ADGRV1: variants seen among roughly 807,000 people sequenced by gnomAD.
ADGRV1 encodes the protein adhesion G protein-coupled receptor V1.
A neutral mutation model predicts 596.2 loss-of-function variants in ADGRV1; 359 were observed. The ratio of observed to expected loss-of-function variants is 0.60; its 90% CI spans 0.55 to 0.66. The LOEUF is 0.66. ADGRV1 is among the 30% of genes least tolerant of loss of function. ADGRV1 has a pLI of 0.00. For synonymous variants in ADGRV1, 2,681 were observed against 2,679.2 expected (o/e 1.00, Z -0.02); for missense variants, 7,274 against 7,575.6 (o/e 0.96, Z 1.48).
intron 28 of ADGRV1, among the ~76,000 whole-genome samples, chr5:90,685,206 C>G (rs1294767252): frequency 1.4e-5 from 2 of 143,380 alleles, no homozygotes; most frequent in African/African-American, 5.5e-5. Context: ...CAGGGACATT[C>G]TGTTTAGTTT....
intron 57 of ADGRV1, among the ~76,000 whole-genome samples, chr5:90,758,062 A>G (rs113982242): frequency 1.2e-3 from 176 of 152,264 alleles, no homozygotes; most frequent in African/African-American, 4.1e-3. Flanking sequence ...TTCCTAAGTA[A>G]AAAGAGTGGA....
chr5:91,063,473 A>T (rs1315786183), intron 85 of ADGRV1, among the ~76,000 whole-genome samples: 1 of 152,190 alleles, frequency 6.6e-6, no homozygotes, highest in Non-Finnish European at 1.5e-5. Flanking sequence ...TACAATATAT[A>T]GTAATTCCCT....
chr5:90,985,343 G>C lies in ADGRV1; in HGVS notation c.17974-1G>C, dbSNP rs1581711527. ...TCATTTTATGTTGTTTTCTTCCTTA[G>C]TCTGTGAATTTCTGGTACGTGCTGG... On this transcript the variant is annotated splice_acceptor_variant, in intron 84 of 89. Coordinates refer to ENST00000405460, the MANE Select transcript of ADGRV1 (RefSeq NM_032119.4). LOFTEE classifies it high-confidence loss of function. The C allele has an allele frequency of 1.2e-6, 2 of 1,602,094 alleles. No homozygotes were observed. The highest frequency in any genetic ancestry group is 1.7e-6 in the Non-Finnish European group (2 of 1,173,206).
intron 85 of ADGRV1, among the ~76,000 whole-genome samples, chr5:91,041,737 G>A (rs1184073037): frequency 2.6e-5 from 4 of 151,834 alleles, no homozygotes; most frequent in Admixed American, 1.3e-4. Flanking sequence ...TCAATTTCCT[G>A]AAGCTAGATG....
intron 83 of ADGRV1, among the ~76,000 whole-genome samples, chr5:90,871,284 T>C (rs1201548780): frequency 6.6e-6 from 1 of 152,106 alleles, no homozygotes; most frequent in East Asian, 1.9e-4. Flanking sequence ...TATTATTTTA[T>C]TTTTGCTTTC....
At chr5:90,947,519 AT>A (rs1393256537) in intron 83 of ADGRV1, among the ~76,000 whole-genome samples, 1 of 152,124 alleles carries the variant, frequency 6.6e-6, no homozygotes, top group Admixed American at 6.6e-5. Context: ...TGAGTGGATT[AT>A]TTTAAATGTT....
rs373929952 is a variant in ADGRV1 at position 90,617,958 on chromosome 5, G to A, written c.357+5G>A. 3.2e-5 allele frequency: 50 copies of A among 1,547,304 alleles called. No individual in the cohort carries two copies. The African/African-American group carries it at 5.5e-4, about 17-fold the overall frequency. On this transcript the variant is annotated splice_donor_5th_base_variant and intron_variant, in intron 3 of 89. Coordinates refer to ENST00000405460, the MANE Select transcript of ADGRV1 (RefSeq NM_032119.4). Reference sequence around the variant, plus strand: ...ATTTTTCACTTAACATTACAGGTAAGTCCGTGTTTCCTCCTTATAAAAATT... The same window carrying A: ...ATTTTTCACTTAACATTACAGGTAAATCCGTGTTTCCTCCTTATAAAAATT...
In ADGRV1 at chr5:90,657,932, G is replaced by T. The variant is rs538939192; in HGVS notation, c.4406G>T (p.Gly1469Val). ...CCTGGGATACTGAGAATTGGAGCAG[G>T]GATAAATGGCAATGACAGATTTACA... Reference protein sequence around the residue: ...DGPGILRIGAGINGNDRFTGL... With the variant: ...DGPGILRIGAVINGNDRFTGL... Residue 1469 changes from glycine (G) to valine (V), a missense_variant, in exon 21 of 90, where the codon GGG (glycine) becomes GTG (valine). Gly to Val is a moderately radical substitution (Grantham distance 109, BLOSUM62 -3). This residue lies in a region of ADGRV1 where 38 missense variants were observed against 66.7 expected (regional missense o/e 0.57). Coordinates refer to ENST00000405460, the MANE Select transcript of ADGRV1 (RefSeq NM_032119.4). The T allele has an allele frequency of 6.2e-7, 1 of 1,612,080 alleles. No homozygotes were observed. The highest frequency in any genetic ancestry group is 1.1e-5 in the South Asian group (1 of 90,846).
chr5:91,126,024 C>T (rs148435272), intron 87 of ADGRV1, among the ~76,000 whole-genome samples: 1 of 152,302 alleles, frequency 6.6e-6, no homozygotes, highest in East Asian at 1.9e-4. Context: ...ATAGTAACAT[C>T]TTCTGATGCA....
In ADGRV1 at chr5:90,754,995, C is replaced by T. The variant is rs375025827; in HGVS notation, c.11390C>T (p.Thr3797Ile). 4.7e-5 allele frequency: 75 copies of T among 1,611,756 alleles called. No individual in the cohort carries two copies. The highest frequency in any genetic ancestry group is 6.4e-5 in the Non-Finnish European group (75 of 1,178,238). The change falls in exon 55 of 90, where the codon ACT becomes ATT. Residue 3797 changes from threonine to isoleucine, a missense_variant. By Grantham distance (89) the Thr-to-Ile change is moderately conservative. Around this residue, in one of 5 missense-constraint regions of ADGRV1, gnomAD observed 3,643 missense variants for 3,809.2 expected, o/e 0.96. Transcript: ENST00000405460. ...GTTTCTCTCACAGAAAACACCACCA[C>T]TCTTCAGTTACAAATAGCTCGAGAT... ...RVAEPKENTT[T>I]LQLQIARDKG...
intron 26 of ADGRV1, 27 bp from the exon 27 acceptor site, chr5:90,681,288 T>C (rs1385728899): frequency 6.3e-7 from 1 of 1,595,716 alleles, no homozygotes; most frequent in Non-Finnish European, 8.5e-7. Flanking sequence ...ATTTTTTTTT[T>C]CTATTTGTTG....
intron 24 of ADGRV1, 22 bp from the exon 25 acceptor site, chr5:90,676,058 G>A: frequency 6.4e-7 from 1 of 1,568,418 alleles, no homozygotes; most frequent in Non-Finnish European, 8.7e-7. Context: ...GTAATCTAAT[G>A]GATCAGTCTT....
intron 87 of ADGRV1, among the ~76,000 whole-genome samples, chr5:91,121,087 T>C (rs1793277152): frequency 6.6e-6 from 1 of 152,058 alleles, no homozygotes; most frequent in African/African-American, 2.4e-5. Flanking sequence ...GGTAGGAGAA[T>C]CGCTTCAACC....
intron 85 of ADGRV1, among the ~76,000 whole-genome samples, chr5:91,004,757 G>T (rs376496843): frequency 6.6e-6 from 1 of 152,176 alleles, no homozygotes; most frequent in African/African-American, 2.4e-5. Flanking sequence ...TGGGGCTTCA[G>T]GGGGAGAATG....
In ADGRV1 at chr5:91,030,965, G is replaced by T. The variant is rs1056178793; in HGVS notation, c.18153-41482G>T. On this transcript the variant is annotated intron_variant, in intron 85 of 89. Transcript: ENST00000405460. ...AGTACTGGCAGTTTTGTAATCAAAG[G>T]AAAAAACGTCGACTGATTTTATATG... The T allele has an allele frequency of 4.0e-6, 5 of 1,235,864 alleles. No individual in the cohort carries two copies. In the African/African-American group the frequency reaches 7.7e-5, roughly 19 times the overall value. The allele number at this position is 1,235,864 out of a possible 1,614,324, so 76.6% of individuals were successfully genotyped here.
At chr5:90,893,311 A>G (rs4916693) in intron 83 of ADGRV1, among the ~76,000 whole-genome samples, 149,749 of 152,230 alleles carry the variant, frequency 0.98, 73,709 homozygotes, top group East Asian at 1. Flanking sequence ...AATACTATGA[A>G]AGAGAGAATG....
At chr5:91,088,244 C>G (rs559620567) in intron 86 of ADGRV1, among the ~76,000 whole-genome samples, 1 of 152,310 alleles carries the variant, frequency 6.6e-6, no homozygotes, top group Non-Finnish European at 1.5e-5. Context: ...TTCTTATACT[C>G]ATTGAATTAT....
intron 85 of ADGRV1, among the ~76,000 whole-genome samples, chr5:91,009,892 A>G (rs1246619679): frequency 6.6e-6 from 1 of 152,130 alleles, no homozygotes; most frequent in Admixed American, 6.6e-5. Context: ...ATATGTTTCA[A>G]TAAATTAAGG....
intron 83 of ADGRV1, among the ~76,000 whole-genome samples, chr5:90,924,955 T>A (rs1244922071): frequency 1.3e-5 from 2 of 151,034 alleles, no homozygotes; most frequent in Non-Finnish European, 3.0e-5. Context: ...TATGTGGCGT[T>A]ATTTCTGAGG....
Sources: allele counts gnomAD v4.1 joint callset (sites outside exome capture counted in the v4.1 genomes callset), GRCh38; gene constraint gnomAD v4.1.1; regional missense constraint gnomAD v4.1.1; transcripts MANE v1.5; gene names NCBI Gene and HGNC (gene_info 2026-07-23, HGNC 2026-07-21).